EAF2: variants seen among roughly 807,000 people sequenced by gnomAD.
EAF2 encodes ELL associated factor 2.
Under a neutral mutation model 29.4 loss-of-function variants are expected in EAF2, and 29 were observed. The observed-to-expected ratio is 0.99, with a 90% CI of 0.73 to 1.35. The LOEUF (loss-of-function observed/expected upper bound fraction) is 1.35, where lower values mean the gene tolerates loss of function less well. EAF2 is among the 40% of genes most tolerant of loss of function. The pLI is 0.00. For missense variants in EAF2, 292 were observed against 312.0 expected, an observed-to-expected ratio of 0.94 and a Z score of 0.48; for synonymous variants, 103 against 102.5, an observed-to-expected ratio of 1.00 and a Z score of -0.03.
chr3:121,880,455 G>GGTGTGTGTGTGT (rs58834177), intron 5 of EAF2, among the ~76,000 whole-genome samples: 29 of 143,068 alleles, frequency 2.0e-4, no homozygotes, highest in African/African-American at 6.4e-4. Context: ...AGTGTTTTGG[G>GGTGTGTGTGTGT]GTGTGTGTGT....
intron 2 of EAF2, among the ~76,000 whole-genome samples, chr3:121,847,141 G>C (rs766377407): frequency 2.0e-5 from 3 of 152,166 alleles, no homozygotes; most frequent in African/African-American, 4.8e-5. Context: ...CTGCCACTGG[G>C]AATACAGAAG....
intron 5 of EAF2, among the ~76,000 whole-genome samples, chr3:121,879,809 T>C (rs1303383609): frequency 2.6e-5 from 4 of 152,022 alleles, no homozygotes; most frequent in Non-Finnish European, 5.9e-5. Flanking sequence ...TGCTGTTTTC[T>C]TAGGTAGTGT....
At chr3:121,863,316 G>T (rs1175731081) in intron 4 of EAF2, among the ~76,000 whole-genome samples, 3 of 152,166 alleles carry the variant, frequency 2.0e-5, no homozygotes, top group Admixed American at 6.5e-5. Flanking sequence ...ATGCAGGCAG[G>T]CCTCCTTGAG....
At chr3:121,874,793 A>T (rs991494362) in intron 5 of EAF2, among the ~76,000 whole-genome samples, 1 of 152,000 alleles carries the variant, frequency 6.6e-6, no homozygotes, top group Non-Finnish European at 1.5e-5. Flanking sequence ...GGTAAAACCC[A>T]GACATGGCCA....
intron 4 of EAF2, among the ~76,000 whole-genome samples, chr3:121,858,368 G>A (rs1708761735): frequency 6.6e-6 from 1 of 152,208 alleles, no homozygotes; most frequent in Non-Finnish European, 1.5e-5. Context: ...ATTCTAACTG[G>A]TGTGAGATGG....
rs1467328870 is a variant in EAF2, at chr3:121,840,503, AAAAAAG to A, written c.107-3944_107-3939del. ...AGACTTCGTCTAAAAAAAAAAAAAA[AAAAAAG>A]AAAAAAAAAAAACGGGCCGGGTGCG... On this transcript the variant is annotated intron_variant, in intron 1 of 5. Transcript: ENST00000273668. Among the ~76,000 whole-genome samples, 66 of 76,284 alleles carry A rather than the reference AAAAAAG, an allele frequency of 8.7e-4. 5 individuals are homozygous for A. The highest frequency in any genetic ancestry group is 2.2e-3 in the African/African-American group (42 of 18,910). 50.0% of individuals were successfully genotyped at this position (76,284 alleles called of 152,430 possible).
At chr3:121,866,312 A>G (rs1708925680) in intron 4 of EAF2, among the ~76,000 whole-genome samples, 1 of 152,216 alleles carries the variant, frequency 6.6e-6, no homozygotes, top group Admixed American at 6.5e-5. Context: ...AGCCCACAAC[A>G]GTAGGCAAGA....
At chr3:121,842,634 T>C (rs1178204370) in intron 1 of EAF2, among the ~76,000 whole-genome samples, 1 of 152,220 alleles carries the variant, frequency 6.6e-6, no homozygotes, top group Non-Finnish European at 1.5e-5. Flanking sequence ...CAGCATGTAA[T>C]AGCTGTTATT....
At chr3:121,861,623 C>G (rs572747127) in intron 4 of EAF2, among the ~76,000 whole-genome samples, 1 of 152,186 alleles carries the variant, frequency 6.6e-6, no homozygotes, top group Non-Finnish European at 1.5e-5. Flanking sequence ...ACTCTTTATC[C>G]AATTTGCCAG....
intron 1 of EAF2, among the ~76,000 whole-genome samples, chr3:121,838,594 A>G (rs1469187824): frequency 6.6e-6 from 1 of 152,210 alleles, no homozygotes; most frequent in African/African-American, 2.4e-5. Flanking sequence ...AGATTTATTG[A>G]TTATGAATTC....
chr3:121,838,572 A>T (rs1375873469), intron 1 of EAF2, among the ~76,000 whole-genome samples: 2 of 152,216 alleles, frequency 1.3e-5, no homozygotes, highest in East Asian at 3.8e-4. Context: ...ATAGATTCAG[A>T]ATAGTTTTGG....
intron 5 of EAF2, among the ~76,000 whole-genome samples, chr3:121,886,109 A>G (rs1041542366): frequency 6.6e-5 from 10 of 152,196 alleles, no homozygotes; most frequent in Admixed American, 5.9e-4. Flanking sequence ...TATGTGAAAG[A>G]AGACTAAAAT....
chr3:121,859,506 T>C (rs926354397), intron 4 of EAF2, among the ~76,000 whole-genome samples: 2 of 152,196 alleles, frequency 1.3e-5, no homozygotes, highest in African/African-American at 4.8e-5. Flanking sequence ...CTTGTGATTT[T>C]TGCACATTGA....
At chr3:121,872,460 C>A (rs1576654503) in intron 4 of EAF2, 77 bp from the exon 5 acceptor site, 2 of 1,151,974 alleles carry the variant, frequency 1.7e-6, no homozygotes, top group South Asian at 1.8e-5. Context: ...TTCTTAAAAA[C>A]TAATACATTC....
At chr3:121,884,283 T>C (rs1239780405) in intron 5 of EAF2, among the ~76,000 whole-genome samples, 1 of 139,528 alleles carries the variant, frequency 7.2e-6, no homozygotes, top group East Asian at 2.1e-4. Context: ...GAGGGTGCAG[T>C]GAGCTGAGAT....
intron 5 of EAF2, 142 bp from the exon 6 acceptor site, chr3:121,886,200 G>GAATT: frequency 2.6e-6 from 1 of 381,898 alleles, no homozygotes; most frequent in Non-Finnish European, 4.7e-6. Flanking sequence ...GTTACTAATT[G>GAATT]TGTCACTGAA....
intron 1 of EAF2, among the ~76,000 whole-genome samples, chr3:121,840,453 T>C (rs1325963120): frequency 8.0e-6 from 1 of 125,656 alleles, no homozygotes; most frequent in Non-Finnish European, 1.6e-5. Context: ...ATCGCGCCAC[T>C]GCACCCCAGC....
chr3:121,871,920 C>A (rs796776230), intron 4 of EAF2, among the ~76,000 whole-genome samples: 8 of 151,798 alleles, frequency 5.3e-5, no homozygotes, highest in African/African-American at 1.9e-4. Flanking sequence ...GAAGACCTTC[C>A]CAACTATAAT....
In EAF2 at chr3:121,872,665, T is replaced by C. The variant is rs769047516; in HGVS notation, c.613T>C (p.Ser205Pro). The C allele has an allele frequency of 6.2e-7, 1 of 1,613,030 alleles. No homozygotes were observed. Among genetic ancestry groups the C allele is most frequent in the South Asian group, 1.1e-5 (1 of 91,048 alleles). ...SDSEDEDCKS[S>P]TSDTGNCVSG... ...CTCAGAAGATGAAGATTGCAAATCC[T>C]CTACTTCTGATACAGGGAATTGTGT... The change falls in exon 5 of 6, where the codon TCT (serine) becomes CCT (proline). Residue 205 changes from serine (S) to proline (P), a missense_variant. Transcript: ENST00000273668.
Sources: gnomAD v4.1 joint callset for allele counts (sites outside exome capture counted in the v4.1 genomes callset) on GRCh38, gnomAD v4.1.1 for gene constraint, MANE v1.5 for transcripts, NCBI Gene and HGNC (gene_info 2026-07-23, HGNC 2026-07-21) for gene names.